HNF4G: variants seen among roughly 807,000 people sequenced by gnomAD.
HNF4G encodes hepatocyte nuclear factor 4 gamma.
Under a neutral mutation model 50.9 loss-of-function variants are expected in HNF4G, and 21 were observed. That is an observed-to-expected ratio of 0.41 (90% CI 0.29 to 0.59). The LOEUF (loss-of-function observed/expected upper bound fraction) is 0.59. Ranked by LOEUF, HNF4G falls within the 20% of genes least tolerant of loss-of-function variation. The pLI, the probability that HNF4G is intolerant of heterozygous loss-of-function variation, is 0.26. For synonymous variants in HNF4G, 198 were observed against 185.6 expected, an observed-to-expected ratio of 1.07 and a Z score of -0.54; for missense variants, 527 against 559.4, an observed-to-expected ratio of 0.94 and a Z score of 0.58.
Position 75,434,675 on chromosome 8 carries a change from AACACACACAC to A in HNF4G, c.-144+26535_-144+26544del, listed in dbSNP as rs36098920. Among the ~76,000 whole-genome samples the A allele has an allele frequency of 2.7e-5, 4 of 145,794 alleles. 1 individual carries two copies. Among genetic ancestry groups the A allele is most frequent in the South Asian group, 4.3e-4 (2 of 4,602 alleles). On this transcript the variant is annotated intron_variant, in intron 1 of 10. Transcript: ENST00000354370. ...ATTCCAGAACACAAACAACAAGGCC[AACACACACAC>A]ACACACACACACACACACACATACA...
rs560856069 is a variant in HNF4G at position 75,423,026 on chromosome 8, A to G, written c.-144+14864A>G. 1.2e-3 allele frequency among the ~76,000 whole-genome samples: 179 copies of G among 152,250 alleles called. 1 individual carries two copies. Among genetic ancestry groups the G allele is most frequent in the Non-Finnish European group, 1.9e-3 (127 of 68,024 alleles). ...CAGAGATGATATTCTGCTGGGCTTA[A>G]TTGCAATATTATATCTTCCTCTGTG... On this transcript the variant is annotated intron_variant, in intron 1 of 10. Coordinates refer to the HNF4G transcript ENST00000354370.
chr8:75,430,474 TAGAGAGAGAGAGAG>T (rs66481707), intron 1 of HNF4G, among the ~76,000 whole-genome samples: 1 of 136,114 alleles, frequency 7.3e-6, no homozygotes, highest in East Asian at 2.3e-4. Flanking sequence ...GGGTAGGGAG[TAGAGAGAGAGAGAG>T]AGAGAGAGAG....
At chr8:75,414,380 A>G (rs1253020982) in intron 1 of HNF4G, among the ~76,000 whole-genome samples, 3 of 152,126 alleles carry the variant, frequency 2.0e-5, no homozygotes. Flanking sequence ...TGGATTTATG[A>G]GGTGTTATTG....
At chr8:75,476,910 C>T (rs1327086330) in intron 1 of HNF4G, among the ~76,000 whole-genome samples, 1 of 152,094 alleles carries the variant, frequency 6.6e-6, no homozygotes, top group African/African-American at 2.4e-5. Flanking sequence ...TCCTCCCCTC[C>T]CAGTGTTAAC....
chr8:75,559,286 T>TTG (rs1563555601), intron 8 of HNF4G, among the ~76,000 whole-genome samples: 1 of 150,668 alleles, frequency 6.6e-6, no homozygotes, highest in African/African-American at 2.4e-5. Context: ...TGTTTTTTTT[T>TTG]TTTTTTAAGA....
rs568046529 is a variant in HNF4G, at chr8:75,436,722, G to C, written c.-144+28560G>C. Among the ~76,000 whole-genome samples the C allele has an allele frequency of 7.0e-4, 107 of 152,324 alleles. No homozygotes were observed. The South Asian group carries it at 8.9e-3, about 13-fold the overall frequency. On this transcript the variant is annotated intron_variant, in intron 1 of 10. Transcript: ENST00000354370. ...TTTTAAAAAGAAGCAAAGCTGTAAA[G>C]AGACACTGAAACATATTTAAAGTTT...
At chr8:75,509,985 G>T (rs114609843) in intron 2 of HNF4G, among the ~76,000 whole-genome samples, 1 of 152,232 alleles carries the variant, frequency 6.6e-6, no homozygotes, top group East Asian at 1.9e-4. Flanking sequence ...GCCTCAGGCA[G>T]GTCCTTCAGG....
upstream of HNF4G, among the ~76,000 whole-genome samples, chr8:75,539,322 G>C (rs1417446202): frequency 6.6e-6 from 1 of 152,178 alleles, no homozygotes; most frequent in Non-Finnish European, 1.5e-5. Flanking sequence ...GATAATTAAA[G>C]AGAATATTGT....
intron 1 of HNF4G, among the ~76,000 whole-genome samples, chr8:75,540,438 A>G (rs1806582695): frequency 1.3e-5 from 2 of 152,176 alleles, no homozygotes; most frequent in African/African-American, 2.4e-5. Context: ...TTTCTAAGCA[A>G]TATTTAAAAT....
intron 2 of HNF4G, among the ~76,000 whole-genome samples, chr8:75,510,797 C>T (rs1805731303): frequency 6.6e-6 from 1 of 152,062 alleles, no homozygotes; most frequent in Non-Finnish European, 1.5e-5. Flanking sequence ...CCATAGTTAA[C>T]ATATCTCCTG....
At chr8:75,545,853 T>C (rs1806763048) in intron 2 of HNF4G, among the ~76,000 whole-genome samples, 1 of 152,152 alleles carries the variant, frequency 6.6e-6, no homozygotes, top group African/African-American at 2.4e-5. Context: ...AATATGTGTA[T>C]TCAATTTTTG....
At chr8:75,507,227 G>T (rs975445063) in intron 2 of HNF4G, among the ~76,000 whole-genome samples, 3 of 150,940 alleles carry the variant, frequency 2.0e-5, no homozygotes, top group African/African-American at 7.3e-5. Context: ...ATAGCGATTT[G>T]CCATTGAAGA....
At chr8:75,530,891 C>T (rs540522597) in intron 2 of HNF4G, among the ~76,000 whole-genome samples, 3 of 148,474 alleles carry the variant, frequency 2.0e-5, no homozygotes, top group East Asian at 4.0e-4. Flanking sequence ...CTCCTGGGTT[C>T]GAGTGATTCT....
At chr8:75,531,767 A>G (rs1045429741) in intron 2 of HNF4G, among the ~76,000 whole-genome samples, 1 of 152,092 alleles carries the variant, frequency 6.6e-6, no homozygotes, top group Non-Finnish European at 1.5e-5. Flanking sequence ...GAAGTATACA[A>G]AAGGATGTGC....
intron 1 of HNF4G, among the ~76,000 whole-genome samples, chr8:75,455,286 G>C (rs1052414992): frequency 1.6e-4 from 25 of 152,018 alleles, no homozygotes; most frequent in African/African-American, 6.0e-4. Context: ...ATAAATTTAA[G>C]CATTATATTC....
In HNF4G at chr8:75,436,753, G is replaced by A. The variant is rs557268006; in HGVS notation, c.-144+28591G>A. 7.0e-4 allele frequency among the ~76,000 whole-genome samples: 107 copies of A among 152,276 alleles called. No individual in the cohort carries two copies. The South Asian group carries it at 8.9e-3, about 13-fold the overall frequency. On this transcript the variant is annotated intron_variant, in intron 1 of 10. Coordinates refer to the HNF4G transcript ENST00000354370. ...CTGAAACATATTTAAAGTTTAAAATGAGAACTTTGTCCAGGCACAGTGGCT... is the reference window on the plus strand; with the variant it reads ...CTGAAACATATTTAAAGTTTAAAATAAGAACTTTGTCCAGGCACAGTGGCT...
rs76828374 is a variant in HNF4G, at chr8:75,560,758, C to T, written c.1246+292C>T. Among the ~76,000 whole-genome samples, 8 of 152,214 alleles carry T rather than the reference C, an allele frequency of 5.3e-5. No homozygotes were observed. In the East Asian group the frequency reaches 7.7e-4, roughly 15 times the overall value. On this transcript the variant is annotated intron_variant, in intron 9 of 9. Transcript: ENST00000396423. ...GCATGGTAGTGTGAGACCATAAAAA[C>T]GACAATGCAAGCTGAAACCATGCAA...
chr8:75,544,131 G>A (rs1348590441), intron 2 of HNF4G, 152 bp downstream of exon 2: 1 of 609,604 alleles, frequency 1.6e-6, no homozygotes, highest in Admixed American at 3.1e-5. Context: ...GTGTGGGTAT[G>A]TACACAGGAT....
intron 1 of HNF4G, among the ~76,000 whole-genome samples, chr8:75,438,607 C>A (rs1811197428): frequency 6.6e-6 from 1 of 151,808 alleles, no homozygotes; most frequent in African/African-American, 2.4e-5. Context: ...ATTTGGAATA[C>A]AATTTACCTT....
Sources: allele counts gnomAD v4.1 joint callset (sites outside exome capture counted in the v4.1 genomes callset), GRCh38; gene constraint gnomAD v4.1.1; transcripts MANE v1.5; gene names NCBI Gene and HGNC (gene_info 2026-07-23, HGNC 2026-07-21).